HP: variants seen among roughly 807,000 people sequenced by gnomAD.
HP encodes haptoglobin, also known as haptoglobin alpha(1S)-beta.
In HP, 9 loss-of-function variants were observed where a neutral mutation model predicts 23.2. The ratio of observed to expected loss-of-function variants is 0.39; its 90% confidence interval spans 0.23 to 0.68. The LOEUF is 0.68. Ranked by LOEUF, HP falls within the 30% of genes least tolerant of loss-of-function variation. The probability of loss-of-function intolerance (pLI) is 0.47; values close to 1 mark genes in which losing one functional copy is unlikely to be tolerated. For synonymous variants in HP, 155 were observed against 183.3 expected (o/e 0.85, Z 1.25); for missense variants, 433 against 483.6 (o/e 0.90, Z 0.98).
intron 4 of HP, 91 bp from the exon 5 acceptor site, chr16:72,058,163 T>C: frequency 2.0e-6 from 2 of 999,452 alleles, no homozygotes; most frequent in Non-Finnish European, 2.9e-6. Context: ...AGGAGATTGA[T>C]GTGCAGAGCA....
chr16:72,057,238 C>T lies in HP; in HGVS notation c.191-154C>T, dbSNP rs1284947336. Reference sequence around the variant, plus strand: ...CTTGGCTTCCAGCACAGCACTCTTTCCCTTCCTCCTTCTCATATTCTCTCT... The same window carrying T: ...CTTGGCTTCCAGCACAGCACTCTTTTCCTTCCTCCTTCTCATATTCTCTCT... On this transcript the variant is annotated intron_variant, in intron 3 of 6. Coordinates refer to ENST00000355906, the MANE Select transcript of HP (RefSeq NM_005143.5). 2.1e-5 allele frequency: 20 copies of T among 956,180 alleles called. 1 individual carries two copies. The highest frequency in any genetic ancestry group is 3.2e-5 in the Non-Finnish European group (20 of 624,170). The allele number at this position is 956,180 out of a possible 1,614,324, so 59.2% of individuals were successfully genotyped here.
At chr16:72,056,110 C>A in intron 1 of HP, 51 bp from the exon 2 acceptor site, 1 of 1,569,574 alleles carries the variant, frequency 6.4e-7, no homozygotes, top group Non-Finnish European at 8.8e-7. Context: ...CATGCATGTG[C>A]TGTGAAGCAG....
intron 6 of HP, 74 bp from the exon 7 acceptor site, chr16:72,060,038 A>C: frequency 6.3e-7 from 1 of 1,594,228 alleles, no homozygotes; most frequent in South Asian, 1.1e-5. Flanking sequence ...ACAGCCGCCC[A>C]TGCTTTCACC....
Position 72,060,220 on chromosome 16 carries a change from A to G in HP, c.551A>G (p.Asn184Ser). 3.7e-6 allele frequency: 6 copies of G among 1,614,184 alleles called. No individual in the cohort carries two copies. Among genetic ancestry groups the G allele is most frequent in the Middle Eastern group, 3.3e-4 (2 of 6,062 alleles). ...CAGGCTAAGATGGTTTCCCACCATA[A>G]TCTCACCACAGGTGCCACGCTGATC... ...PWQAKMVSHH[N>S]LTTGATLINE... Residue 184 changes from asparagine to serine, a missense_variant, in exon 7 of 7, where the codon AAT becomes AGT. Around this residue, in one of 3 missense-constraint regions of HP, gnomAD observed 326 missense variants for 358.1 expected, o/e 0.91. Coordinates refer to ENST00000355906, the MANE Select transcript of HP (RefSeq NM_005143.5).
chr16:72,054,757 C>A (rs1436664035), intron 1 of HP, 100 bp downstream of exon 1: 1 of 1,590,800 alleles, frequency 6.3e-7, no homozygotes, highest in African/African-American at 1.3e-5. Context: ...AAGAAACGGG[C>A]AAATGGGCTA....
intron 1 of HP, chr16:72,055,851 T>G (rs1333688930): frequency 2.5e-6 from 1 of 400,990 alleles, no homozygotes. Context: ...AGCCAGAAAC[T>G]GAGCCCACCC....
At position 72,060,872 on chromosome 16, in the gene HP, G is replaced by T. The variant is rs2041535666; in HGVS notation, c.1203G>T (p.Lys401Asn). Residue 401 changes from lysine (K) to asparagine (N), a missense_variant, in exon 7 of 7, where the codon AAG (lysine) becomes AAT (asparagine). Around this residue, in one of 3 missense-constraint regions of HP, gnomAD observed 326 missense variants for 358.1 expected, o/e 0.91. Coordinates refer to ENST00000355906, the MANE Select transcript of HP (RefSeq NM_005143.5). ...CTTCCATCCAGGACTGGGTTCAGAA[G>T]ACCATAGCTGAGAACTAATGCAAGG... ...KVTSIQDWVQKTIAEN is the reference protein window; with the variant it reads ...KVTSIQDWVQNTIAEN 6.3e-7 allele frequency: 1 copy of T among 1,591,186 alleles called. No homozygotes were observed. The highest frequency in any genetic ancestry group is 8.6e-7 in the Non-Finnish European group (1 of 1,169,108).
Position 72,056,547 on chromosome 16 carries a change from C to T in HP, c.106C>T (p.Pro36Ser). 2.7e-6 allele frequency: 4 copies of T among 1,497,320 alleles called. No homozygotes were observed. The highest frequency in any genetic ancestry group is 3.6e-6 in the Non-Finnish European group (4 of 1,110,416). The allele number at this position is 1,497,320 out of a possible 1,614,324, so 92.8% of individuals were successfully genotyped here. The part of the protein sequence containing the change: ...TDIADDGCPK[P>S]PEIAHGYVEH... ...CTTTGCAGATGACGGCTGCCCGAAG[C>T]CCCCCGAGATTGCACATGGCTATGT... The change falls in exon 3 of 7, where the codon CCC becomes TCC. Residue 36 changes from proline to serine, a missense_variant. Coordinates refer to ENST00000355906, the MANE Select transcript of HP (RefSeq NM_005143.5).
intron 6 of HP, 101 bp from the exon 7 acceptor site, chr16:72,060,011 T>C (rs599806): frequency 5.8e-6 from 9 of 1,561,592 alleles, no homozygotes; most frequent in Admixed American, 1.9e-5. Flanking sequence ...TAAATCTTTC[T>C]ACTTTACGCA....
At position 72,060,660 on chromosome 16, in the gene HP, C is replaced by T. The variant is rs776008748; in HGVS notation, c.991C>T (p.Gln331Ter). 2.5e-6 allele frequency: 4 copies of T among 1,614,156 alleles called. No individual in the cohort carries two copies. Among genetic ancestry groups the T allele is most frequent in the Non-Finnish European group, 3.4e-6 (4 of 1,180,010 alleles). ...GACACCGAAGAGCCCTGTAGGGGTG[C>T]AGCCCATACTGAATGAACACACCTT... ...KKTPKSPVGV[Q>*]PILNEHTFCA... Residue 331 changes from glutamine (Q) to a stop codon, truncating the protein, a stop_gained, in exon 7 of 7, where the codon CAG becomes TAG. Transcript: ENST00000355906. LOFTEE classifies it high-confidence loss of function.
In HP at chr16:72,060,338, CTA is replaced by C. The variant is rs2041522877; in HGVS notation, c.671_672del (p.Tyr224CysfsTer10). 1 of 1,613,984 alleles carries C rather than the reference CTA, an allele frequency of 6.2e-7. No homozygotes were observed. The highest frequency in any genetic ancestry group is 1.3e-5 in the African/African-American group (1 of 74,908). Reference protein sequence around the residue: ...AKDIAPTLTLYVGKKQLVEIE... With the variant: ...AKDIAPTLTLXVGKKQLVEIE... ...AAGACATTGCCCCTACTTTAACACTCTATGTGGGGAAAAAGCAGCTTGTAGAG... is the reference window on the plus strand; with the variant it reads ...AAGACATTGCCCCTACTTTAACACTCTGTGGGGAAAAAGCAGCTTGTAGAG... On this transcript the variant is annotated frameshift_variant, in exon 7 of 7. Transcript: ENST00000355906. LOFTEE classifies it high-confidence loss of function.
rs2041529945 is a variant in HP, at chr16:72,060,624, C to T, written c.955C>T (p.Pro319Ser). The stretch of plus-strand genomic sequence containing the variant: ...AAGGCATTATGAAGGCAGCACAGTC[C>T]CCGAAAAGAAGACACCGAAGAGCCC... Reference protein sequence around the residue: ...CIRHYEGSTVPEKKTPKSPVG... With the variant: ...CIRHYEGSTVSEKKTPKSPVG... Residue 319 changes from proline to serine, a missense_variant, in exon 7 of 7, where the codon CCC becomes TCC. Physicochemically the swap from Pro to Ser is moderately conservative, Grantham distance 74 (BLOSUM62 -1). Transcript: ENST00000355906. 4 of 1,614,146 alleles carry T rather than the reference C, an allele frequency of 2.5e-6. No homozygotes were observed. The highest frequency in any genetic ancestry group is 3.4e-6 in the Non-Finnish European group (4 of 1,180,042).
At position 72,060,759 on chromosome 16, in the gene HP, C is replaced by T; in HGVS notation, c.1090C>T (p.Leu364=). Residue 364 remains leucine (L), a synonymous_variant, in exon 7 of 7, where the codon CTG becomes TTG. Coordinates refer to ENST00000355906, the MANE Select transcript of HP (RefSeq NM_005143.5). ...DAGSAFAVHD[L]EEDTWYATGI... is the part of the protein sequence containing the mutation. The stretch of plus-strand genomic sequence containing the variant: ...GGGCAGTGCCTTTGCCGTTCACGAC[C>T]TGGAGGAGGACACCTGGTATGCGAC... 1 of 1,614,168 alleles carries T rather than the reference C, an allele frequency of 6.2e-7. No homozygotes were observed. Among genetic ancestry groups the T allele is most frequent in the South Asian group, 1.1e-5 (1 of 91,080 alleles).
In HP at chr16:72,060,873, A is replaced by G; in HGVS notation, c.1204A>G (p.Thr402Ala). 6.3e-7 allele frequency: 1 copy of G among 1,590,704 alleles called. No individual in the cohort carries two copies. The highest frequency in any genetic ancestry group is 8.6e-7 in the Non-Finnish European group (1 of 1,168,822). ...TTCCATCCAGGACTGGGTTCAGAAG[A>G]CCATAGCTGAGAACTAATGCAAGGC... is the stretch of plus-strand genomic sequence containing the variant. Reference protein sequence around the residue: ...VTSIQDWVQKTIAEN With the variant: ...VTSIQDWVQKAIAEN The change falls in exon 7 of 7, where the codon ACC becomes GCC. Residue 402 changes from threonine (T) to alanine (A), a missense_variant. Thr to Ala is a moderately conservative substitution (Grantham distance 58). This residue lies in a region of HP where 326 missense variants were observed against 358.1 expected (regional missense o/e 0.91). Coordinates refer to ENST00000355906, the MANE Select transcript of HP (RefSeq NM_005143.5).
Position 72,060,367 on chromosome 16 carries a change from T to C in HP, c.698T>C (p.Ile233Thr), listed in dbSNP as rs2041523592. Residue 233 changes from isoleucine to threonine, a missense_variant, in exon 7 of 7, where the codon ATT becomes ACT. Around this residue, in one of 3 missense-constraint regions of HP, gnomAD observed 326 missense variants for 358.1 expected, o/e 0.91. Coordinates refer to ENST00000355906, the MANE Select transcript of HP (RefSeq NM_005143.5). ...LYVGKKQLVE[I>T]EKVVLHPNYS... is the part of the protein sequence containing the mutation. ...GTGGGGAAAAAGCAGCTTGTAGAGA[T>C]TGAGAAGGTTGTTCTACACCCTAAC... 3.7e-6 allele frequency: 6 copies of C among 1,614,090 alleles called. No homozygotes were observed. Among genetic ancestry groups the C allele is most frequent in the Non-Finnish European group, 5.1e-6 (6 of 1,180,034 alleles).
At chr16:72,056,807 CT>C (rs1272559934) in intron 3 of HP, 176 bp downstream of exon 3, 1 of 381,772 alleles carries the variant, frequency 2.6e-6, no homozygotes, top group East Asian at 4.3e-5. Flanking sequence ...GGCAGACTAA[CT>C]TTTGTCAGCC....
At chr16:72,059,065 G>T in intron 5 of HP, 49 bp from the exon 6 acceptor site, 4 of 1,507,714 alleles carry the variant, frequency 2.7e-6, no homozygotes, top group Non-Finnish European at 3.6e-6. Flanking sequence ...CTCTGCACGG[G>T]GTCTAGACTT....
Position 72,060,418 on chromosome 16 carries a change from T to C in HP, c.749T>C (p.Ile250Thr). The change falls in exon 7 of 7, where the codon ATC (isoleucine) becomes ACC (threonine). Residue 250 changes from isoleucine (I) to threonine (T), a missense_variant. Transcript: ENST00000355906. ...PNYSQVDIGL[I>T]KLKQKVSVNE... ...TACTCCCAGGTAGATATTGGGCTCA[T>C]CAAACTCAAACAGAAGGTGTCTGTT... 9 of 1,614,184 alleles carry C rather than the reference T, an allele frequency of 5.6e-6. No homozygotes were observed. Among genetic ancestry groups the C allele is most frequent in the Non-Finnish European group, 7.6e-6 (9 of 1,180,040 alleles).
chr16:72,054,532 G>C lies in HP; in HGVS notation c.-121G>C. On this transcript the variant is annotated 5_prime_UTR_variant, in exon 1 of 7. Transcript: ENST00000355906. ...TGGAAAAGATAGTGACCTTACCAGGGCCAAAGTTTGTAGACACAGGAATTA... is the reference window on the plus strand; with the variant it reads ...TGGAAAAGATAGTGACCTTACCAGGCCCAAAGTTTGTAGACACAGGAATTA... 7.1e-7 allele frequency: 1 copy of C among 1,412,072 alleles called. No individual in the cohort carries two copies. The allele number at this position is 1,412,072 out of a possible 1,614,324, so 87.5% of individuals were successfully genotyped here.
Sources: allele counts gnomAD v4.1 joint callset, GRCh38; gene constraint gnomAD v4.1.1; regional missense constraint gnomAD v4.1.1; transcripts MANE v1.5; gene names NCBI Gene and HGNC (gene_info 2026-07-23, HGNC 2026-07-21).